The following ADAM18 variants were observed in gnomAD, a reference collection of about 807,000 sequenced individuals.
ADAM18 encodes the protein ADAM metallopeptidase domain 18.
Under a neutral mutation model 94.4 loss-of-function variants are expected in ADAM18, and 117 were observed. That is an observed-to-expected ratio of 1.24 (90% confidence interval 1.07 to 1.45). The LOEUF is 1.45. ADAM18 is among the 40% of genes most tolerant of loss of function. The probability of loss-of-function intolerance (pLI) is 0.00; values close to 1 mark genes in which losing one functional copy is unlikely to be tolerated. For synonymous variants in ADAM18, 327 were observed against 291.6 expected (o/e 1.12, Z -1.24); for missense variants, 936 against 880.0 (o/e 1.06, Z -0.81).
intron 2 of ADAM18, among the ~76,000 whole-genome samples, chr8:39,597,491 G>A (rs981841954): frequency 6.6e-6 from 1 of 151,948 alleles, no homozygotes; most frequent in South Asian, 2.1e-4. Flanking sequence ...ATTTTTTTAC[G>A]TTTGGATATC....
At chr8:39,702,511 G>A (rs983400841) in intron 17 of ADAM18, among the ~76,000 whole-genome samples, 1 of 151,908 alleles carries the variant, frequency 6.6e-6, no homozygotes, top group African/African-American at 2.4e-5. Flanking sequence ...GTCAATTTTT[G>A]CTTTTGTTTC....
At chr8:39,598,101 C>G (rs1048756421) in intron 2 of ADAM18, among the ~76,000 whole-genome samples, 10 of 152,174 alleles carry the variant, frequency 6.6e-5, no homozygotes, top group Admixed American at 1.3e-4. Flanking sequence ...AAGCAATTGA[C>G]TTTTGTATGT....
rs1303264898 is a variant in ADAM18 at position 39,609,134 on chromosome 8, C to A, written c.267+14C>A. On this transcript the variant is annotated intron_variant, in intron 4 of 19. Coordinates refer to ENST00000265707, the MANE Select transcript of ADAM18 (RefSeq NM_014237.3). ...CCATATTTTATGGTAAAGTAAGATA[C>A]CTTATTTTTTTTGTTAAAGTGGTTA... 2 of 1,500,278 alleles carry A rather than the reference C, an allele frequency of 1.3e-6. No homozygotes were observed. The highest frequency in any genetic ancestry group is 2.4e-5 in the South Asian group (2 of 81,764). The allele number at this position is 1,500,278 out of a possible 1,614,324, so 92.9% of individuals were successfully genotyped here.
chr8:39,654,262 A>T (rs1017436659), intron 12 of ADAM18, among the ~76,000 whole-genome samples: 2 of 148,290 alleles, frequency 1.3e-5, no homozygotes, highest in Admixed American at 6.8e-5. Flanking sequence ...GGTTCACGCG[A>T]TTCTCCTGCC....
chr8:39,623,683 G>A (rs1339005414), intron 6 of ADAM18, among the ~76,000 whole-genome samples: 1 of 151,854 alleles, frequency 6.6e-6, no homozygotes, highest in African/African-American at 2.4e-5. Context: ...TGCAAGCTTC[G>A]CCTCCCGGGT....
chr8:39,714,917 G>A (rs1403157140), intron 18 of ADAM18, among the ~76,000 whole-genome samples: 1 of 152,056 alleles, frequency 6.6e-6, no homozygotes, highest in Admixed American at 6.6e-5. Context: ...CTTGCAGACA[G>A]ACAATGTTAA....
chr8:39,599,525 T>C (rs1368571418), intron 2 of ADAM18, among the ~76,000 whole-genome samples: 4 of 152,124 alleles, frequency 2.6e-5, no homozygotes, highest in Non-Finnish European at 4.4e-5. Flanking sequence ...CGATTCAATG[T>C]CTTTAATAGA....
At chr8:39,712,258 A>C (rs900884208) in intron 18 of ADAM18, among the ~76,000 whole-genome samples, 4 of 152,106 alleles carry the variant, frequency 2.6e-5, no homozygotes, top group African/African-American at 9.7e-5. Flanking sequence ...CATGCTAAAA[A>C]CTCTCAATAA....
intron 6 of ADAM18, among the ~76,000 whole-genome samples, chr8:39,621,269 T>A (rs1819604968): frequency 6.6e-6 from 1 of 151,088 alleles, no homozygotes; most frequent in South Asian, 2.1e-4. Context: ...ATAGAGCAGC[T>A]GAGTTTTTTA....
chr8:39,629,544 T>C (rs1819874099), intron 7 of ADAM18, 105 bp downstream of exon 7: 1 of 724,318 alleles, frequency 1.4e-6, no homozygotes, highest in Admixed American at 3.2e-5. Context: ...TCTTCCTCCT[T>C]CTTTCCCTTC....
chr8:39,649,614 G>A (rs1158783299), intron 12 of ADAM18, among the ~76,000 whole-genome samples: 13 of 152,166 alleles, frequency 8.5e-5, no homozygotes, highest in Admixed American at 6.5e-4. Context: ...GACACTAAGA[G>A]CAGATATAGC....
chr8:39,701,547 T>A (rs1055449503), intron 17 of ADAM18, among the ~76,000 whole-genome samples: 1 of 152,146 alleles, frequency 6.6e-6, no homozygotes, highest in East Asian at 1.9e-4. Context: ...TAGGTGAACA[T>A]GTGTCATGGG....
chr8:39,657,889 TATA>T (rs1364772967), intron 12 of ADAM18, among the ~76,000 whole-genome samples: 8 of 152,262 alleles, frequency 5.3e-5, no homozygotes, highest in Non-Finnish European at 7.4e-5. Flanking sequence ...ATATTAAAAA[TATA>T]ATGATGTCAT....
At chr8:39,667,645 C>A (rs942979853) in intron 13 of ADAM18, among the ~76,000 whole-genome samples, 8 of 152,230 alleles carry the variant, frequency 5.3e-5, no homozygotes, top group Non-Finnish European at 8.8e-5. Context: ...AGTCTGGCTC[C>A]TGAGTTTCTC....
chr8:39,635,690 C>A (rs1820057598), intron 7 of ADAM18, among the ~76,000 whole-genome samples: 1 of 152,106 alleles, frequency 6.6e-6, no homozygotes, highest in Non-Finnish European at 1.5e-5. Context: ...TTTTTCTACT[C>A]CAATCTGTGG....
chr8:39,588,474 A>G (rs991879560), intron 2 of ADAM18, among the ~76,000 whole-genome samples: 2 of 152,156 alleles, frequency 1.3e-5, no homozygotes, highest in African/African-American at 4.8e-5. Flanking sequence ...CATTTTGGAT[A>G]TTAGCTCTTT....
chr8:39,589,545 A>G (rs1213361089), intron 2 of ADAM18, among the ~76,000 whole-genome samples: 1 of 152,016 alleles, frequency 6.6e-6, no homozygotes, highest in African/African-American at 2.4e-5. Context: ...ATCAAGATGT[A>G]TGTATATCTT....
At chr8:39,633,267 C>T (rs1279722204) in intron 7 of ADAM18, among the ~76,000 whole-genome samples, 1 of 152,096 alleles carries the variant, frequency 6.6e-6, no homozygotes, top group Non-Finnish European at 1.5e-5. Context: ...TTGCAAATGC[C>T]TAAAAATGTG....
chr8:39,685,939 C>T (rs10105183), intron 16 of ADAM18, among the ~76,000 whole-genome samples: 31,347 of 152,012 alleles, frequency 0.21, 3,396 homozygotes, highest in South Asian at 0.3. Flanking sequence ...CCTCATTTTC[C>T]GGTACCTTGG....
Sources: gnomAD v4.1 joint callset for allele counts (sites outside exome capture counted in the v4.1 genomes callset) on GRCh38, gnomAD v4.1.1 for gene constraint, MANE v1.5 for transcripts, NCBI Gene and HGNC (gene_info 2026-07-23, HGNC 2026-07-21) for gene names.